TRPM1: variants seen among roughly 807,000 people sequenced by gnomAD.
The protein encoded by TRPM1 is transient receptor potential cation channel subfamily M member 1, also known as TRPM1-203 APA Isoform, Intron 10.
In TRPM1, 113 loss-of-function variants were observed where a neutral mutation model predicts 149.4. That is an observed-to-expected ratio of 0.76 (90% CI 0.65 to 0.88). TRPM1 has a LOEUF of 0.88. Among genes scored for constraint, TRPM1 ranks in the 40% least tolerant of loss-of-function variants. The pLI is 0.00. For synonymous variants in TRPM1, 741 were observed against 759.5 expected, an observed-to-expected ratio of 0.98 and a Z score of 0.40; for missense variants, 1,976 against 2,038.7, an observed-to-expected ratio of 0.97 and a Z score of 0.59.
At chr15:31,124,002 G>T (rs2035912346) in intron 1 of TRPM1, among the ~76,000 whole-genome samples, 1 of 152,324 alleles carries the variant, frequency 6.6e-6, no homozygotes, top group Non-Finnish European at 1.5e-5. Flanking sequence ...GTGCTAAAAA[G>T]AAATAAGCCA....
In TRPM1 at chr15:31,149,184, T is replaced by C. The variant is rs142768405; in HGVS notation, c.54+11722A>G. Among the ~76,000 whole-genome samples, 538 of 152,288 alleles carry C rather than the reference T, an allele frequency of 3.5e-3. 1 individual carries two copies. The highest frequency in any genetic ancestry group is 5.8e-3 in the Non-Finnish European group (396 of 68,020). ...CCAGGCAAGAAGCAAAATCCGTGAATGGCCAGAGGGAGACTCTATTGGCTT... is the reference window on the plus strand; with the variant it reads ...CCAGGCAAGAAGCAAAATCCGTGAACGGCCAGAGGGAGACTCTATTGGCTT... On this transcript the variant is annotated intron_variant, in intron 1 of 26. Transcript: ENST00000542188.
chr15:31,078,660 G>T (rs565040135), intron 2 of TRPM1, among the ~76,000 whole-genome samples: 2 of 152,164 alleles, frequency 1.3e-5, no homozygotes, highest in African/African-American at 4.8e-5. Flanking sequence ...CTGAAGCCCC[G>T]CCCTGCCCTT....
intron 21 of TRPM1, among the ~76,000 whole-genome samples, chr15:31,033,416 T>A (rs1212822221): frequency 6.6e-6 from 1 of 152,240 alleles, no homozygotes; most frequent in Non-Finnish European, 1.5e-5. Flanking sequence ...AGGGGAAAGT[T>A]AGACCAGGTT....
At chr15:31,070,886 A>G (rs2034520281) in intron 3 of TRPM1, among the ~76,000 whole-genome samples, 1 of 152,224 alleles carries the variant, frequency 6.6e-6, no homozygotes, top group African/African-American at 2.4e-5. Flanking sequence ...GTTCCTTAGT[A>G]AAACATTTCT....
chr15:31,053,085 C>G (rs1231226030), intron 11 of TRPM1, among the ~76,000 whole-genome samples: 1 of 152,100 alleles, frequency 6.6e-6, no homozygotes, highest in Non-Finnish European at 1.5e-5. Flanking sequence ...AAAACCCAAC[C>G]TGATTCAAAA....
At chr15:31,088,784 C>T (rs1329895882) in intron 1 of TRPM1, among the ~76,000 whole-genome samples, 1 of 138,594 alleles carries the variant, frequency 7.2e-6, no homozygotes, top group Non-Finnish European at 1.5e-5. Context: ...GTATCAAACA[C>T]CTGAACGTTC....
intron 9 of TRPM1, among the ~76,000 whole-genome samples, chr15:31,061,999 G>T (rs1220765720): frequency 6.6e-6 from 1 of 152,104 alleles, no homozygotes; most frequent in African/African-American, 2.4e-5. Flanking sequence ...ATTTCCAGAA[G>T]TTATGGCATT....
At chr15:31,083,181 A>T (rs1444421047) in intron 1 of TRPM1, among the ~76,000 whole-genome samples, 7 of 152,186 alleles carry the variant, frequency 4.6e-5, no homozygotes, top group Admixed American at 4.6e-4. Context: ...GGCCAAAATT[A>T]ACAAGCAAAC....
intron 1 of TRPM1, among the ~76,000 whole-genome samples, chr15:31,149,742 A>G (rs993087173): frequency 3.3e-5 from 5 of 151,974 alleles, no homozygotes; most frequent in Admixed American, 6.5e-5. Flanking sequence ...GATGGTCTCG[A>G]TCTCCTGACC....
At position 31,040,501 on chromosome 15, in the gene TRPM1, G is replaced by A. The variant is rs2033579567; in HGVS notation, c.2088-155C>T. Among the ~76,000 whole-genome samples, 1 of 152,210 alleles carries A rather than the reference G, an allele frequency of 6.6e-6. No individual in the cohort carries two copies. The highest frequency in any genetic ancestry group is 1.5e-5 in the Non-Finnish European group (1 of 68,030). On this transcript the variant is annotated intron_variant, in intron 17 of 27. Transcript: ENST00000256552. This position sits in a 1 kb window ranked among gnomAD's most constrained non-coding sequence, Gnocchi z 4.2. Reference sequence around the variant, plus strand: ...TCTGCAAGCAAGAAGCTCCAGGGATGTGTCCCCAAAGGGGGAAGGCCAGGG... The same window carrying A: ...TCTGCAAGCAAGAAGCTCCAGGGATATGTCCCCAAAGGGGGAAGGCCAGGG...
intron 27 of TRPM1, among the ~76,000 whole-genome samples, chr15:31,019,220 A>G (rs1229369308): frequency 6.6e-6 from 1 of 152,046 alleles, no homozygotes; most frequent in East Asian, 1.9e-4. Flanking sequence ...TGTCTTATCC[A>G]CTCTAAATTT....
chr15:31,157,677 C>T (rs2036394819), intron 1 of TRPM1, among the ~76,000 whole-genome samples: 1 of 152,104 alleles, frequency 6.6e-6, no homozygotes, highest in African/African-American at 2.4e-5. Flanking sequence ...AGGGATGGAG[C>T]TCAAGGGTCC....
chr15:31,058,684 G>A (rs1407265777), intron 11 of TRPM1, among the ~76,000 whole-genome samples: 2 of 152,254 alleles, frequency 1.3e-5, no homozygotes, highest in African/African-American at 4.8e-5. Context: ...GAGGAAGGAG[G>A]AGTATGGAGT....
At chr15:31,095,795 G>C (rs2035363409) in intron 1 of TRPM1, among the ~76,000 whole-genome samples, 2 of 151,870 alleles carry the variant, frequency 1.3e-5, no homozygotes, top group Admixed American at 1.3e-4. Flanking sequence ...TGTAATCCCA[G>C]CACTTTGGGA....
intron 27 of TRPM1, among the ~76,000 whole-genome samples, chr15:31,020,141 T>A (rs1318565053): frequency 6.6e-6 from 1 of 152,268 alleles, no homozygotes; most frequent in African/African-American, 2.4e-5. Flanking sequence ...TAGCCTTTTC[T>A]GGTTATGTTC....
In TRPM1 at chr15:31,050,420, G is replaced by A. The variant is rs2140940865; in HGVS notation, c.1426C>T (p.Leu476=). The change falls in exon 12 of 28, where the codon CTG becomes TTG. Residue 476 remains leucine (L), a synonymous_variant. Transcript: ENST00000256552. ...EEETDPRKIE[L]LNWVNALEQA... ...GACCTTCCACATACCCAGTTCAGCA[G>A]CTCTATCTTCCGGGGGTCAGTTTCT... 2 of 1,614,116 alleles carry A rather than the reference G, an allele frequency of 1.2e-6. No individual in the cohort carries two copies. Among genetic ancestry groups the A allele is most frequent in the South Asian group, 1.1e-5 (1 of 91,072 alleles).
intron 9 of TRPM1, among the ~76,000 whole-genome samples, chr15:31,062,117 C>A (rs887777576): frequency 6.6e-6 from 1 of 152,140 alleles, no homozygotes; most frequent in African/African-American, 2.4e-5. Context: ...ATCGGAGATG[C>A]AAAGTCGTAT....
intron 27 of TRPM1, among the ~76,000 whole-genome samples, chr15:31,017,683 G>A (rs138420310): frequency 1.7e-3 from 255 of 152,254 alleles, no homozygotes; most frequent in Non-Finnish European, 3.1e-3. Context: ...TCTATATTGG[G>A]GTATATCTAT....
In TRPM1 at chr15:31,034,483, C is replaced by T. The variant is rs568561454; in HGVS notation, c.2700+1063G>A. 2.0e-5 allele frequency among the ~76,000 whole-genome samples: 3 copies of T among 152,330 alleles called. No homozygotes were observed. The East Asian group carries it at 5.8e-4, about 29-fold the overall frequency. On this transcript the variant is annotated intron_variant, in intron 21 of 27. Coordinates refer to ENST00000256552, the MANE Select transcript of TRPM1 (RefSeq NM_001252024.2). ...CTCTTAGATGCTTGGAGCCATGTCT[C>T]TGGTGGGTACCAATGACAAATTGAG...
Sources: allele counts gnomAD v4.1 joint callset (sites outside exome capture counted in the v4.1 genomes callset), GRCh38; gene constraint gnomAD v4.1.1; non-coding constraint Gnocchi (gnomAD v3.1); transcripts MANE v1.5; gene names NCBI Gene and HGNC (gene_info 2026-07-23, HGNC 2026-07-21).